FNDC3B: variants seen among roughly 807,000 people sequenced by gnomAD.
FNDC3B encodes the protein fibronectin type III domain-containing protein 3B.
Under a neutral mutation model 151.5 loss-of-function variants are expected in FNDC3B, and 12 were observed. The ratio of observed to expected loss-of-function variants is 0.08; its 90% confidence interval spans 0.05 to 0.13. The LOEUF is 0.13. Among genes scored for constraint, FNDC3B ranks in the 10% least tolerant of loss-of-function variants. The pLI is 1.00. For synonymous variants in FNDC3B, 528 were observed against 549.0 expected, an observed-to-expected ratio of 0.96 and a Z score of 0.54; for missense variants, 1,214 against 1,505.3, an observed-to-expected ratio of 0.81 and a Z score of 3.20.
chr3:172,044,468 A>G lies in FNDC3B; in HGVS notation c.-29+4697A>G, dbSNP rs541993287. On this transcript the variant is annotated intron_variant, in intron 1 of 25. Transcript: ENST00000415807. ...GCAGTTCATAGTCTTAACTCTAGACATATCCTGGAGGACCTATGTCTGTAA... is the reference window on the plus strand; with the variant it reads ...GCAGTTCATAGTCTTAACTCTAGACGTATCCTGGAGGACCTATGTCTGTAA... 1.1e-4 allele frequency among the ~76,000 whole-genome samples: 16 copies of G among 152,296 alleles called. No individual in the cohort carries two copies. The East Asian group carries it at 1.7e-3, about 17-fold the overall frequency.
At chr3:172,079,162 A>G (rs1229579526) in intron 1 of FNDC3B, among the ~76,000 whole-genome samples, 1 of 152,214 alleles carries the variant, frequency 6.6e-6, no homozygotes, top group Non-Finnish European at 1.5e-5. Flanking sequence ...TTAGGAAGAC[A>G]TGACATCAAA....
intron 3 of FNDC3B, among the ~76,000 whole-genome samples, chr3:172,213,956 A>C (rs1340573462): frequency 6.6e-6 from 1 of 152,166 alleles, no homozygotes; most frequent in Non-Finnish European, 1.5e-5. Context: ...GTTTAGTAAA[A>C]ATTGCTTGTT....
At chr3:172,222,136 C>G (rs1726306320) in intron 3 of FNDC3B, among the ~76,000 whole-genome samples, 1 of 152,138 alleles carries the variant, frequency 6.6e-6, no homozygotes. Context: ...AAAATGTGAT[C>G]TATTGCAGCT....
Position 172,239,856 on chromosome 3 carries a change from CTTTTTTTTT to C in FNDC3B, c.265-7655_265-7647del, listed in dbSNP as rs71179981. ...TGTTTTTAGGAGATCCATTTTAGTT[CTTTTTTTTT>C]TTTTTTTTTTTTTTTTTTTTTGGGA... is the stretch of plus-strand genomic sequence containing the variant. On this transcript the variant is annotated intron_variant, in intron 4 of 25. Transcript: ENST00000415807. Among the ~76,000 whole-genome samples the C allele has an allele frequency of 5.2e-3, 258 of 49,876 alleles. 4 individuals carry two copies. Among genetic ancestry groups the C allele is most frequent in the South Asian group, 0.031 (34 of 1,104 alleles). The allele number at this position is 49,876 out of a possible 152,430, so 32.7% of individuals were successfully genotyped here. A position where few individuals can be genotyped will look rare whatever the true frequency, so the allele number is the denominator to read the frequency against.
At chr3:172,306,416 T>C (rs886281440) in intron 9 of FNDC3B, among the ~76,000 whole-genome samples, 23 of 152,236 alleles carry the variant, frequency 1.5e-4, no homozygotes, top group African/African-American at 5.3e-4. Flanking sequence ...TTTCCCTACC[T>C]CAGAGAGGGT....
intron 3 of FNDC3B, among the ~76,000 whole-genome samples, chr3:172,188,230 G>C (rs1678011883): frequency 1.3e-5 from 2 of 151,726 alleles, no homozygotes; most frequent in Admixed American, 1.3e-4. Context: ...CCCGACCTCA[G>C]GTGATCCACC....
Position 172,330,650 on chromosome 3 carries a change from A to G in FNDC3B, c.1489A>G (p.Lys497Glu), listed in dbSNP as rs776565304. 2 of 1,614,146 alleles carry G rather than the reference A, an allele frequency of 1.2e-6. No individual in the cohort carries two copies. The highest frequency in any genetic ancestry group is 3.3e-5 in the Admixed American group (2 of 60,028). Residue 497 changes from lysine (K) to glutamate (E), a missense_variant, in exon 13 of 26, where the codon AAG becomes GAG. Physicochemically the swap from Lys to Glu is moderately conservative, Grantham distance 56. Transcript: ENST00000415807. Reference sequence around the variant, plus strand: ...CACATGGGTCACGTTGCAGTGGAGTAAGCCAGAAGGCTGTTCACCCGAGGA... The same window carrying G: ...CACATGGGTCACGTTGCAGTGGAGTGAGCCAGAAGGCTGTTCACCCGAGGA... The part of the protein sequence containing the change: ...GITWVTLQWS[K>E]PEGCSPEEVI...
chr3:172,320,447 A>G (rs1337562925), intron 11 of FNDC3B, among the ~76,000 whole-genome samples: 1 of 152,166 alleles, frequency 6.6e-6, no homozygotes, highest in Admixed American at 6.5e-5. Context: ...AGAAAACATC[A>G]GGAGGAGTAA....
intron 15 of FNDC3B, among the ~76,000 whole-genome samples, chr3:172,336,099 T>G (rs1732949126): frequency 6.6e-6 from 1 of 152,182 alleles, no homozygotes; most frequent in African/African-American, 2.4e-5. Flanking sequence ...ATATTTAACT[T>G]TATAATTATT....
intron 3 of FNDC3B, chr3:172,186,965 C>A: frequency 4.2e-6 from 2 of 481,690 alleles, no homozygotes; most frequent in Non-Finnish European, 7.3e-6. Flanking sequence ...AAGCAAGGAA[C>A]TATATTATTA....
At chr3:172,382,821 G>A (rs950350149) in intron 25 of FNDC3B, among the ~76,000 whole-genome samples, 2 of 152,194 alleles carry the variant, frequency 1.3e-5, no homozygotes, top group Admixed American at 1.3e-4. Flanking sequence ...TGTTCCATTG[G>A]TCTATATATC....
At chr3:172,317,923 G>A (rs1731890937) in intron 11 of FNDC3B, among the ~76,000 whole-genome samples, 2 of 152,176 alleles carry the variant, frequency 1.3e-5, no homozygotes, top group African/African-American at 4.8e-5. Context: ...AGAATAACCA[G>A]AAAAAGCACT....
intron 3 of FNDC3B, among the ~76,000 whole-genome samples, chr3:172,180,991 A>C (rs921391901): frequency 2.6e-5 from 4 of 152,176 alleles, no homozygotes; most frequent in Non-Finnish European, 5.9e-5. Context: ...TTTACTTCTT[A>C]GACTTGAGAG....
At position 172,180,844 on chromosome 3, in the gene FNDC3B, T is replaced by G. The variant is rs1723853392; in HGVS notation, c.188-46027T>G. Among the ~76,000 whole-genome samples the G allele has an allele frequency of 3.3e-5, 5 of 152,188 alleles. No individual in the cohort carries two copies. The South Asian group carries it at 1.0e-3, about 32-fold the overall frequency. On this transcript the variant is annotated intron_variant, in intron 3 of 25. Coordinates refer to ENST00000415807, the MANE Select transcript of FNDC3B (RefSeq NM_022763.4). ...TGGCATTACTTTCAGATTCTTAGTA[T>G]CTTAGAGGTGGGTGTGATCTTGTAG...
intron 3 of FNDC3B, chr3:172,225,560 A>AT (rs1225912165): frequency 6.0e-6 from 1 of 165,696 alleles, no homozygotes; most frequent in Non-Finnish European, 1.3e-5. Context: ...AAGGCCACTC[A>AT]TTTTGCTGTT....
intron 12 of FNDC3B, chr3:172,329,337 A>C (rs947941474): frequency 5.4e-6 from 2 of 372,778 alleles, no homozygotes; most frequent in Non-Finnish European, 9.5e-6. Flanking sequence ...AGCAGTACAG[A>C]TCTTGAAAGG....
chr3:172,157,485 A>G (rs1722551031), intron 3 of FNDC3B, among the ~76,000 whole-genome samples: 1 of 152,230 alleles, frequency 6.6e-6, no homozygotes, highest in South Asian at 2.1e-4. Flanking sequence ...AATCACTACC[A>G]TAATTAAAAT....
At chr3:172,116,105 A>AG (rs1720233185) in intron 2 of FNDC3B, among the ~76,000 whole-genome samples, 1 of 152,210 alleles carries the variant, frequency 6.6e-6, no homozygotes, top group African/African-American at 2.4e-5. Flanking sequence ...CGCAGGTAGG[A>AG]GGGAAAGGGC....
At position 172,397,593 on chromosome 3, in the gene FNDC3B, T is replaced by A; in HGVS notation, c.*118T>A. The stretch of plus-strand genomic sequence containing the variant: ...GATTTATATACTCTGTTTTACAGAT[T>A]TAGCTAGAAAAAAAATGTCAGTGTT... On this transcript the variant is annotated 3_prime_UTR_variant, in exon 26 of 26. Transcript: ENST00000415807. The A allele has an allele frequency of 1.8e-6, 1 of 552,360 alleles. No individual in the cohort carries two copies. The allele number at this position is 552,360 out of a possible 1,614,324, so 34.2% of individuals were successfully genotyped here. A position where few individuals can be genotyped will look rare whatever the true frequency, so the allele number is the denominator to read the frequency against.
Sources: allele counts gnomAD v4.1 joint callset (sites outside exome capture counted in the v4.1 genomes callset), GRCh38; gene constraint gnomAD v4.1.1; transcripts MANE v1.5; gene names NCBI Gene and HGNC (gene_info 2026-07-23, HGNC 2026-07-21).